TMC1: variants seen among roughly 807,000 people sequenced by gnomAD.
The protein encoded by TMC1 is transmembrane channel like 1, also known as transmembrane channel-like protein 1.
A neutral mutation model predicts 105.8 loss-of-function variants in TMC1; 84 were observed. The observed-to-expected ratio is 0.79, with a 90% CI of 0.67 to 0.95. The LOEUF is 0.95. Among genes scored for constraint, TMC1 ranks in the 40% least tolerant of loss-of-function variants. The pLI is 0.00. For missense variants in TMC1, 817 were observed against 914.1 expected (o/e 0.89, Z 1.37); for synonymous variants, 315 against 311.5 (o/e 1.01, Z -0.12).
At chr9:72,805,789 A>G (rs1332681143) in intron 18 of TMC1, among the ~76,000 whole-genome samples, 15 of 151,946 alleles carry the variant, frequency 9.9e-5, no homozygotes, top group African/African-American at 3.6e-4. Flanking sequence ...AACAAAGCAC[A>G]TCTTGCACCA....
intron 12 of TMC1, among the ~76,000 whole-genome samples, chr9:72,766,284 G>A (rs1258378988): frequency 2.6e-5 from 4 of 151,948 alleles, no homozygotes; most frequent in Non-Finnish European, 5.9e-5. Flanking sequence ...GGGCGTGGTG[G>A]CGGGTGCCTG....
intron 1 of TMC1, among the ~76,000 whole-genome samples, chr9:72,573,479 C>T (rs1180835134): frequency 6.6e-6 from 1 of 152,168 alleles, no homozygotes; most frequent in Non-Finnish European, 1.5e-5. Flanking sequence ...TTTCTACCTA[C>T]CACGATGACC....
chr9:72,613,421 C>T (rs1234263657), intron 2 of TMC1, among the ~76,000 whole-genome samples: 1 of 152,130 alleles, frequency 6.6e-6, no homozygotes, highest in Non-Finnish European at 1.5e-5. Flanking sequence ...TCACTGCTCC[C>T]AGCCCAGAAA....
chr9:72,542,984 T>A (rs1456862073), intron 1 of TMC1, among the ~76,000 whole-genome samples: 1 of 152,174 alleles, frequency 6.6e-6, no homozygotes, highest in Non-Finnish European at 1.5e-5. Context: ...CAGCTAGGCC[T>A]CAGTTTTCTA....
chr9:72,755,023 GGAAAGAAA>G (rs1201958519), intron 12 of TMC1, 139 bp downstream of exon 12: 1 of 333,852 alleles, frequency 3.0e-6, no homozygotes, highest in East Asian at 1.1e-4. Flanking sequence ...AAGAAAGAAA[GGAAAGAAA>G]GAAAGAAAGA....
intron 5 of TMC1, among the ~76,000 whole-genome samples, chr9:72,668,409 A>G (rs1826076564): frequency 3.3e-5 from 5 of 152,188 alleles, no homozygotes; most frequent in South Asian, 2.1e-4. Context: ...CTTTGTCTCC[A>G]TAGACACTAA....
At chr9:72,564,686 G>C (rs545810924) in intron 1 of TMC1, among the ~76,000 whole-genome samples, 1 of 152,150 alleles carries the variant, frequency 6.6e-6, no homozygotes, top group African/African-American at 2.4e-5. Context: ...GACATTTAGT[G>C]GGGGACATGT....
intron 2 of TMC1, among the ~76,000 whole-genome samples, chr9:72,590,983 A>G (rs1824629882): frequency 6.6e-6 from 1 of 152,150 alleles, no homozygotes; most frequent in Non-Finnish European, 1.5e-5. Flanking sequence ...ATAAGTGAGG[A>G]TTCCTAGGCA....
chr9:72,679,625 A>G (rs977774790), intron 5 of TMC1, among the ~76,000 whole-genome samples: 4 of 152,130 alleles, frequency 2.6e-5, no homozygotes, highest in Non-Finnish European at 5.9e-5. Context: ...TCTGGTTCAT[A>G]GACAGCCATC....
chr9:72,532,482 A>G (rs1823513271), intron 1 of TMC1, among the ~76,000 whole-genome samples: 1 of 133,416 alleles, frequency 7.5e-6, no homozygotes, highest in South Asian at 2.6e-4. Context: ...CAGAGGTTGC[A>G]GTGAGCCGAG....
chr9:72,767,507 A>G (rs1219518288), intron 12 of TMC1, among the ~76,000 whole-genome samples: 7 of 152,192 alleles, frequency 4.6e-5, no homozygotes, highest in African/African-American at 1.7e-4. Flanking sequence ...TAATCCATCT[A>G]TGTATATTGG....
intron 1 of TMC1, among the ~76,000 whole-genome samples, chr9:72,569,941 G>A (rs767808559): frequency 6.6e-6 from 1 of 152,164 alleles, no homozygotes; most frequent in African/African-American, 2.4e-5. Context: ...AACTAAGGTG[G>A]TAGCATTGGG....
chr9:72,832,883 G>A lies in TMC1; in HGVS notation c.2260+2201G>A, dbSNP rs1829063771. On this transcript the variant is annotated intron_variant, in intron 23 of 23. Transcript: ENST00000297784. The stretch of plus-strand genomic sequence containing the variant: ...TCTATAAGGCTTATCATGAAAAACA[G>A]CATCTTCTTCTGCCTCCTACACCAG... Among the ~76,000 whole-genome samples the A allele has an allele frequency of 2.6e-5, 4 of 152,000 alleles. No individual in the cohort carries two copies. In the South Asian group the frequency reaches 8.3e-4, roughly 32 times the overall value.
intron 12 of TMC1, among the ~76,000 whole-genome samples, chr9:72,769,620 C>A (rs761723805): frequency 1.1e-4 from 17 of 152,162 alleles, no homozygotes; most frequent in Non-Finnish European, 2.5e-4. Flanking sequence ...TGGAAGGGAA[C>A]GTCAAGAGTT....
chr9:72,576,873 C>A (rs1309422361), intron 1 of TMC1, among the ~76,000 whole-genome samples: 1 of 151,862 alleles, frequency 6.6e-6, no homozygotes, highest in Non-Finnish European at 1.5e-5. Context: ...TCGTGATCCA[C>A]CCGCCTTGGC....
Position 72,789,140 on chromosome 9 carries a change from A to G in TMC1, c.1047A>G (p.Glu349=). The change falls in exon 15 of 24, where the codon GAA becomes GAG. Residue 349 remains glutamate (E), a synonymous_variant. Transcript: ENST00000297784. ...TMNFKEAITE[E]KAAQVEENVH... is the part of the protein sequence containing the mutation. ...GGATACAGGAAGCTATCACAGAAGA[A>G]AAAGCAGCCCAAGTAGAAGAAAACG... 1 of 1,612,736 alleles carries G rather than the reference A, an allele frequency of 6.2e-7. No homozygotes were observed. Among genetic ancestry groups the G allele is most frequent in the Non-Finnish European group, 8.5e-7 (1 of 1,179,906 alleles).
intron 2 of TMC1, among the ~76,000 whole-genome samples, chr9:72,589,006 G>A (rs1194926887): frequency 1.3e-5 from 2 of 152,146 alleles, no homozygotes; most frequent in African/African-American, 4.8e-5. Context: ...CCAACCTCAG[G>A]TGATCCGCCT....
chr9:72,760,488 G>A (rs938780164), intron 12 of TMC1, among the ~76,000 whole-genome samples: 11 of 152,046 alleles, frequency 7.2e-5, no homozygotes, highest in African/African-American at 9.7e-5. Context: ...AGCTAGAGCC[G>A]TTATCTAGGC....
chr9:72,837,871 T>C lies in TMC1; in HGVS notation c.*1898T>C, dbSNP rs953709963. The C allele has an allele frequency of 6.6e-6, 1 of 152,256 alleles. No homozygotes were observed. The highest frequency in any genetic ancestry group is 2.1e-4 in the South Asian group (1 of 4,836). The allele number at this position is 152,256 out of a possible 1,614,324, so 9.4% of individuals were successfully genotyped here. ...ATTCCTCTGGTTGTCTTTTTCAGATTGACTTCCATTCTCAATCTTATCACT... is the reference window on the plus strand; with the variant it reads ...ATTCCTCTGGTTGTCTTTTTCAGATCGACTTCCATTCTCAATCTTATCACT... On this transcript the variant is annotated 3_prime_UTR_variant, in exon 24 of 24. Coordinates refer to ENST00000297784, the MANE Select transcript of TMC1 (RefSeq NM_138691.3).
Sources: allele counts gnomAD v4.1 joint callset (sites outside exome capture counted in the v4.1 genomes callset), GRCh38; gene constraint gnomAD v4.1.1; transcripts MANE v1.5; gene names NCBI Gene and HGNC (gene_info 2026-07-23, HGNC 2026-07-21).